TOP2A: variants seen among roughly 807,000 people sequenced by gnomAD.
TOP2A encodes DNA topoisomerase 2-alpha.
A neutral mutation model predicts 187.2 loss-of-function variants in TOP2A; 68 were observed. That is an observed-to-expected ratio of 0.36 (90% CI 0.30 to 0.44). The LOEUF (loss-of-function observed/expected upper bound fraction) is 0.44. Ranked by LOEUF, TOP2A falls within the 20% of genes least tolerant of loss-of-function variation. TOP2A has a pLI of 1.00. For missense variants in TOP2A, 1,196 were observed against 1,808.7 expected (o/e 0.66, Z 6.14); for synonymous variants, 542 against 593.2 (o/e 0.91, Z 1.25).
rs1275322749 is a variant in TOP2A at position 40,415,994 on chromosome 17, A to G, written c.332+11T>C. ...ACGAGCTACATAACAAAAACTAAGC[A>G]AAAGACGTACGGATCAATTGTGACT... On this transcript the variant is annotated intron_variant, in intron 4 of 34. Transcript: ENST00000423485. The G allele has an allele frequency of 6.4e-7, 1 of 1,569,952 alleles. No homozygotes were observed. The highest frequency in any genetic ancestry group is 8.7e-7 in the Non-Finnish European group (1 of 1,152,492).
In TOP2A at chr17:40,413,509, T is replaced by C. The variant is rs1240257662; in HGVS notation, c.449A>G (p.Asn150Ser). The C allele has an allele frequency of 6.5e-7, 1 of 1,537,760 alleles. No homozygotes were observed. The highest frequency in any genetic ancestry group is 8.8e-7 in the Non-Finnish European group (1 of 1,142,492). The change falls in exon 5 of 35, where the codon AAC becomes AGC. Residue 150 changes from asparagine to serine, a missense_variant. By Grantham distance (46) the Asn-to-Ser change is conservative. Around this residue, in one of 10 missense-constraint regions of TOP2A, gnomAD observed 3 missense variants for 32.6 expected, o/e 0.09. Transcript: ENST00000423485. ...CACTTTCTTTTCATCATCATCATAG[T>C]TACTAGAAGTTAGGAGCTGTCCAAA... ...LIFGQLLTSS[N>S]YDDDEKKVTG...
chr17:40,416,409 AG>A lies in TOP2A; in HGVS notation c.268+12del, dbSNP rs2035391285. The A allele has an allele frequency of 6.7e-7, 1 of 1,499,800 alleles. No individual in the cohort carries two copies. The highest frequency in any genetic ancestry group is 9.1e-7 in the Non-Finnish European group (1 of 1,097,398). 92.9% of individuals were successfully genotyped at this position (1,499,800 alleles called of 1,614,324 possible). On this transcript the variant is annotated intron_variant, in intron 3 of 34. Transcript: ENST00000423485. Reference sequence around the variant, plus strand: ...AGATTTGACCAGATCTTTATATTAAAGGATTTACTCACCTAGAATCTCATCA... The same window carrying A: ...AGATTTGACCAGATCTTTATATTAAAGATTTACTCACCTAGAATCTCATCA...
At chr17:40,390,959 G>A (rs538768584) in intron 33 of TOP2A, among the ~76,000 whole-genome samples, 2 of 151,980 alleles carry the variant, frequency 1.3e-5, no homozygotes, top group South Asian at 2.1e-4. Flanking sequence ...TACGTTTTAC[G>A]TTAAACATTG....
At position 40,392,756 on chromosome 17, in the gene TOP2A, T is replaced by C. The variant is rs2035041554; in HGVS notation, c.3812-19A>G. On this transcript the variant is annotated intron_variant, in intron 29 of 34. Coordinates refer to ENST00000423485, the MANE Select transcript of TOP2A (RefSeq NM_001067.4). ...TTTGTACCTAGAGGGGAGATAGAAA[T>C]TAATCACCTTTATATATTAGACCCA... The C allele has an allele frequency of 6.3e-7, 1 of 1,590,536 alleles. No homozygotes were observed. The highest frequency in any genetic ancestry group is 1.4e-5 in the African/African-American group (1 of 73,868).
intron 20 of TOP2A, 39 bp from the exon 21 acceptor site, chr17:40,401,120 A>C (rs1377994395): frequency 1.3e-6 from 2 of 1,535,276 alleles, no homozygotes; most frequent in Admixed American, 3.7e-5. Context: ...TTACAAAAAT[A>C]CTGAATTTCA....
At chr17:40,392,819 A>T in intron 29 of TOP2A, 82 bp from the exon 30 acceptor site, 1 of 1,117,530 alleles carries the variant, frequency 8.9e-7, no homozygotes, top group Non-Finnish European at 1.3e-6. Flanking sequence ...CTTCAAATTT[A>T]TTAACTCCTG....
intron 4 of TOP2A, among the ~76,000 whole-genome samples, chr17:40,414,608 C>T (rs1598620446): frequency 6.6e-6 from 1 of 152,108 alleles, no homozygotes; most frequent in Non-Finnish European, 1.5e-5. Flanking sequence ...AATCCCAGCA[C>T]TTTGGGAGGC....
At chr17:40,406,522 C>A (rs748669054) in intron 15 of TOP2A, 29 bp from the exon 16 acceptor site, 3 of 1,610,422 alleles carry the variant, frequency 1.9e-6, no homozygotes, top group Non-Finnish European at 2.5e-6. Flanking sequence ...CAAGTTCCTT[C>A]ATATAGTCTT....
At chr17:40,412,717 A>C in intron 7 of TOP2A, 42 bp downstream of exon 7, 2 of 1,524,476 alleles carry the variant, frequency 1.3e-6, no homozygotes, top group Non-Finnish European at 1.8e-6. Context: ...GACAATGATT[A>C]CAAAATCCCT....
chr17:40,395,605 T>C, intron 28 of TOP2A, 66 bp from the exon 29 acceptor site: 3 of 1,257,952 alleles, frequency 2.4e-6, no homozygotes, highest in Non-Finnish European at 2.2e-6. Context: ...AGAGATTTTA[T>C]ACATTTTTGG....
Position 40,391,641 on chromosome 17 carries a change from C to G in TOP2A, c.4133-1G>C, listed in dbSNP as rs756359456. 5 of 1,575,820 alleles carry G rather than the reference C, an allele frequency of 3.2e-6. No homozygotes were observed. The South Asian group carries it at 4.8e-5, about 15-fold the overall frequency. On this transcript the variant is annotated splice_acceptor_variant, in intron 32 of 34. Coordinates refer to ENST00000423485, the MANE Select transcript of TOP2A (RefSeq NM_001067.4). LOFTEE classifies it high-confidence loss of function. ...CCCTTAACATCATCAGCTTCAAGGT[C>G]TATTATTTCAAATGGAAAGGAAAAT...
At chr17:40,392,387 GA>G in intron 30 of TOP2A, 46 bp from the exon 31 acceptor site, 5 of 1,552,288 alleles carry the variant, frequency 3.2e-6, no homozygotes, top group Non-Finnish European at 4.4e-6. Context: ...GGTAGTAGGA[GA>G]AACAATTCAT....
At chr17:40,405,927 C>T (rs573747269) in intron 16 of TOP2A, among the ~76,000 whole-genome samples, 85 of 150,458 alleles carry the variant, frequency 5.6e-4, no homozygotes, top group African/African-American at 2.0e-3. Flanking sequence ...CCACCACGGC[C>T]GGCTAATTTT....
In TOP2A at chr17:40,407,523, T is replaced by A. The variant is rs1168632092; in HGVS notation, c.1626+26A>T. On this transcript the variant is annotated intron_variant, in intron 13 of 34. Coordinates refer to ENST00000423485, the MANE Select transcript of TOP2A (RefSeq NM_001067.4). ...AGACATGCTTAATTTAGTTGAACAA[T>A]CTAAAAATTTAATAACAAATCTGAC... is the stretch of plus-strand genomic sequence containing the variant. 8 of 1,522,660 alleles carry A rather than the reference T, an allele frequency of 5.3e-6. No individual in the cohort carries two copies. The African/African-American group carries it at 1.1e-4, about 22-fold the overall frequency. The allele number at this position is 1,522,660 out of a possible 1,614,324, so 94.3% of individuals were successfully genotyped here.
chr17:40,411,373 A>G lies in TOP2A; in HGVS notation c.1046T>C (p.Val349Ala), dbSNP rs1180678621. The G allele has an allele frequency of 6.2e-7, 1 of 1,613,866 alleles. No homozygotes were observed. Among genetic ancestry groups the G allele is most frequent in the Admixed American group, 1.7e-5 (1 of 60,024 alleles). Residue 349 changes from valine (V) to alanine (A), a missense_variant, in exon 9 of 35, where the codon GTT (valine) becomes GCT (alanine). This residue lies in a region of TOP2A where 252 missense variants were observed against 434.8 expected (regional missense o/e 0.58). Transcript: ENST00000423485. This position sits in a 1 kb window ranked among gnomAD's most constrained non-coding sequence, Gnocchi z 4.4. Reference sequence around the variant, plus strand: ...ACATACCTGATGTGCTTTTACTGCAACACCACCCTTGTTCTTCTTCTTCAC... The same window carrying G: ...ACATACCTGATGTGCTTTTACTGCAGCACCACCCTTGTTCTTCTTCTTCAC... ...DVVKKKNKGG[V>A]AVKAHQVKNH...
At position 40,411,805 on chromosome 17, in the gene TOP2A, C is replaced by T. The variant is rs768511753; in HGVS notation, c.803G>A (p.Arg268His). The T allele has an allele frequency of 4.4e-6, 7 of 1,590,544 alleles. No homozygotes were observed. Among genetic ancestry groups the T allele is most frequent in the African/African-American group, 1.4e-5 (1 of 73,464 alleles). ...CTTCAAATACATGTCCACATAACTA[C>T]GAAATCCTTTTACCTGTACAGGAAT... The part of the protein sequence containing the change: ...NGNKLPVKGF[R>H]SYVDMYLKDK... Residue 268 changes from arginine (R) to histidine (H), a missense_variant, in exon 8 of 35, where the codon CGT (arginine) becomes CAT (histidine). Physicochemically the swap from Arg to His is conservative, Grantham distance 29. This residue lies in a region of TOP2A where 252 missense variants were observed against 434.8 expected (regional missense o/e 0.58). Transcript: ENST00000423485. This position sits in a 1 kb window ranked among gnomAD's most constrained non-coding sequence, Gnocchi z 4.4.
At chr17:40,389,829 C>T (rs2035000319) in intron 34 of TOP2A, 136 bp downstream of exon 34, 2 of 1,251,616 alleles carry the variant, frequency 1.6e-6, no homozygotes, top group Non-Finnish European at 2.2e-6. Context: ...TTTGTTAAAA[C>T]TAAATATGTA....
At chr17:40,392,479 T>A in intron 30 of TOP2A, 106 bp downstream of exon 30, 1 of 1,466,600 alleles carries the variant, frequency 6.8e-7, no homozygotes, top group Non-Finnish European at 9.2e-7. Context: ...TTTAACATAA[T>A]TTACTGCTCT....
chr17:40,396,195 G>T, intron 28 of TOP2A, 88 bp downstream of exon 28: 1 of 658,480 alleles, frequency 1.5e-6, no homozygotes, highest in Non-Finnish European at 2.5e-6. Flanking sequence ...TTGGGAGGCT[G>T]GTCTTGAACC....
Sources: gnomAD v4.1 joint callset for allele counts (sites outside exome capture counted in the v4.1 genomes callset) on GRCh38, gnomAD v4.1.1 for gene constraint, gnomAD v4.1.1 regional missense constraint, Gnocchi (gnomAD v3.1) non-coding constraint, MANE v1.5 for transcripts, NCBI Gene and HGNC (gene_info 2026-07-23, HGNC 2026-07-21) for gene names.